XPNPEP3: variants seen among roughly 807,000 people sequenced by gnomAD.
The protein encoded by XPNPEP3 is X-prolyl aminopeptidase 3.
Under a neutral mutation model 60.0 loss-of-function variants are expected in XPNPEP3, and 41 were observed. The ratio of observed to expected loss-of-function variants is 0.68; its 90% CI spans 0.53 to 0.89. The LOEUF (loss-of-function observed/expected upper bound fraction) is 0.89. Among genes scored for constraint, XPNPEP3 ranks in the 40% least tolerant of loss-of-function variants. The probability of loss-of-function intolerance (pLI) is 0.00; values close to 1 mark genes in which losing one functional copy is unlikely to be tolerated. For synonymous variants in XPNPEP3, 212 were observed against 223.2 expected (o/e 0.95, Z 0.45); for missense variants, 598 against 638.9 (o/e 0.94, Z 0.69).
At chr22:40,874,333 G>T (rs1390439236) in intron 2 of XPNPEP3, among the ~76,000 whole-genome samples, 2 of 152,100 alleles carry the variant, frequency 1.3e-5, no homozygotes, top group African/African-American at 4.8e-5. Flanking sequence ...CTAGACTGTT[G>T]GGTAAGCTTT....
At chr22:40,878,500 A>G (rs2058035724) in intron 2 of XPNPEP3, among the ~76,000 whole-genome samples, 1 of 152,176 alleles carries the variant, frequency 6.6e-6, no homozygotes, top group Non-Finnish European at 1.5e-5. Flanking sequence ...GTATACTGTT[A>G]CTAATGAAAA....
At chr22:40,911,444 A>G (rs2058176795) in intron 6 of XPNPEP3, among the ~76,000 whole-genome samples, 1 of 151,876 alleles carries the variant, frequency 6.6e-6, no homozygotes, top group Non-Finnish European at 1.5e-5. Flanking sequence ...AATTTGGTAA[A>G]CACGTGTAGA....
intron 8 of XPNPEP3, among the ~76,000 whole-genome samples, chr22:40,923,400 C>T (rs2058223740): frequency 2.0e-5 from 3 of 151,714 alleles, no homozygotes; most frequent in Admixed American, 1.3e-4. Context: ...AAACGTAAAA[C>T]CTCAGCTTTA....
chr22:40,860,750 T>C (rs1268023252), intron 1 of XPNPEP3: 1 of 768,560 alleles, frequency 1.3e-6, no homozygotes, highest in Non-Finnish European at 2.0e-6. Context: ...TCTTCCAGGC[T>C]CAAGCAGTCT....
chr22:40,863,213 G>A (rs934325508), intron 1 of XPNPEP3, among the ~76,000 whole-genome samples: 1 of 152,180 alleles, frequency 6.6e-6, no homozygotes, highest in African/African-American at 2.4e-5. Flanking sequence ...ATGGATCAGT[G>A]GCTACTATTT....
chr22:40,909,357 A>G, intron 6 of XPNPEP3, 122 bp downstream of exon 6: 3 of 806,712 alleles, frequency 3.7e-6, no homozygotes, highest in Non-Finnish European at 6.3e-6. Context: ...AAAGTATTTT[A>G]TTGCTTATAA....
intron 2 of XPNPEP3, among the ~76,000 whole-genome samples, chr22:40,872,115 A>G (rs1265536443): frequency 1.3e-5 from 2 of 152,132 alleles, no homozygotes; most frequent in African/African-American, 4.8e-5. Flanking sequence ...TCTTTGCCAT[A>G]CCTACCTATC....
intron 2 of XPNPEP3, among the ~76,000 whole-genome samples, chr22:40,872,641 G>A (rs1048036406): frequency 1.3e-5 from 2 of 151,882 alleles, no homozygotes; most frequent in African/African-American, 4.8e-5. Flanking sequence ...AGTAGAAATG[G>A]GGTTTCACCA....
rs1343003324 is a variant in XPNPEP3 at position 40,926,256 on chromosome 22, T to G, written c.1358-13T>G. 1 of 1,614,028 alleles carries G rather than the reference T, an allele frequency of 6.2e-7. No homozygotes were observed. The highest frequency in any genetic ancestry group is 8.5e-7 in the Non-Finnish European group (1 of 1,180,020). On this transcript the variant is annotated splice_polypyrimidine_tract_variant and intron_variant, in intron 9 of 9. Coordinates refer to ENST00000357137, the MANE Select transcript of XPNPEP3 (RefSeq NM_022098.4). ...TCATTCCTGAACAGCATGTTCTTCT[T>G]TCTACTTCACAGGCATTTATATTCC...
chr22:40,858,680 C>G (rs542964487), intron 1 of XPNPEP3, among the ~76,000 whole-genome samples: 1 of 149,780 alleles, frequency 6.7e-6, no homozygotes, highest in Non-Finnish European at 1.5e-5. Context: ...TACAGGCGCC[C>G]GCCACCACGC....
intron 4 of XPNPEP3, among the ~76,000 whole-genome samples, chr22:40,893,149 A>G (rs1192579690): frequency 1.4e-5 from 2 of 145,958 alleles, no homozygotes; most frequent in East Asian, 3.9e-4. Flanking sequence ...ATATATTTAT[A>G]TATTATAATA....
intron 5 of XPNPEP3, among the ~76,000 whole-genome samples, chr22:40,907,881 T>C (rs1006167946): frequency 6.6e-6 from 1 of 152,084 alleles, no homozygotes; most frequent in African/African-American, 2.4e-5. Context: ...GATTTAGCAA[T>C]GTGAGGTGAC....
intron 1 of XPNPEP3, chr22:40,862,530 C>T (rs2057956525): frequency 1.0e-6 from 1 of 984,972 alleles, no homozygotes; most frequent in Admixed American, 6.2e-5. Flanking sequence ...GAGGGAGATA[C>T]AAACAAGTAA....
At chr22:40,915,416 A>G (rs1270538357) in intron 7 of XPNPEP3, among the ~76,000 whole-genome samples, 3 of 151,934 alleles carry the variant, frequency 2.0e-5, no homozygotes, top group Non-Finnish European at 4.4e-5. Context: ...CTCTACTAAA[A>G]ATACAAAAAT....
In XPNPEP3 at chr22:40,870,769, A is replaced by C. The variant is rs1462383997; in HGVS notation, c.181+1654A>C. ...CGCAGTGGCTCATACATGTAATCCC[A>C]GAACTTTGGGAGGCCAAGGTGGGTG... is the stretch of plus-strand genomic sequence containing the variant. On this transcript the variant is annotated intron_variant, in intron 2 of 9. Transcript: ENST00000357137. Among the ~76,000 whole-genome samples, 6 of 152,324 alleles carry C rather than the reference A, an allele frequency of 3.9e-5. 1 individual carries two copies. The South Asian group carries it at 1.0e-3, about 26-fold the overall frequency.
intron 7 of XPNPEP3, among the ~76,000 whole-genome samples, chr22:40,915,372 C>T (rs1482407746): frequency 6.6e-6 from 1 of 151,960 alleles, no homozygotes; most frequent in Admixed American, 6.6e-5. Context: ...GTCAGGAGTT[C>T]AGGACCAGCC....
At position 40,929,704 on chromosome 22, in the gene XPNPEP3, T is replaced by C. The variant is rs574254225; in HGVS notation, c.*3269T>C. 19 of 152,280 alleles carry C rather than the reference T, an allele frequency of 1.2e-4. No homozygotes were observed. The highest frequency in any genetic ancestry group is 4.6e-4 in the African/African-American group (19 of 41,562). 9.4% of individuals were successfully genotyped at this position (152,280 alleles called of 1,614,324 possible). On this transcript the variant is annotated 3_prime_UTR_variant, in exon 10 of 10. Transcript: ENST00000357137. Reference sequence around the variant, plus strand: ...CTTTGAGTCCCAGATTAACTAACTATAGCAGCTAAGCATTTGAATCAGACT... The same window carrying C: ...CTTTGAGTCCCAGATTAACTAACTACAGCAGCTAAGCATTTGAATCAGACT...
intron 1 of XPNPEP3, among the ~76,000 whole-genome samples, chr22:40,858,204 C>G (rs1708335446): frequency 6.6e-6 from 1 of 152,062 alleles, no homozygotes; most frequent in South Asian, 2.1e-4. Context: ...CTCCTGAGTT[C>G]AAGCAATTCT....
chr22:40,861,095 C>T (rs1314890790), intron 1 of XPNPEP3: 1 of 1,595,868 alleles, frequency 6.3e-7, no homozygotes, highest in African/African-American at 1.4e-5. Flanking sequence ...ACTTCTTTTG[C>T]ACCTCTTTAC....
Sources: gnomAD v4.1 joint callset for allele counts (sites outside exome capture counted in the v4.1 genomes callset) on GRCh38, gnomAD v4.1.1 for gene constraint, MANE v1.5 for transcripts, NCBI Gene and HGNC (gene_info 2026-07-23, HGNC 2026-07-21) for gene names.